The following NOX4 variants were observed in gnomAD, a reference collection of about 807,000 sequenced individuals.
The protein encoded by NOX4 is NADPH oxidase 4, also known as kidney oxidase-1.
A neutral mutation model predicts 87.6 loss-of-function variants in NOX4; 69 were observed. The ratio of observed to expected loss-of-function variants is 0.79; its 90% CI spans 0.65 to 0.96. The LOEUF (loss-of-function observed/expected upper bound fraction) is 0.96, where lower values mean the gene tolerates loss of function less well. Ranked by LOEUF, NOX4 falls within the 40% of genes least tolerant of loss-of-function variation. The pLI is 0.00. For synonymous variants in NOX4, 275 were observed against 238.2 expected (o/e 1.15, Z -1.42); for missense variants, 680 against 681.5 (o/e 1.00, Z 0.02).
At chr11:89,465,773 G>A (rs1256255539) in intron 2 of NOX4, among the ~76,000 whole-genome samples, 5 of 151,722 alleles carry the variant, frequency 3.3e-5, no homozygotes, top group Non-Finnish European at 7.4e-5. Context: ...CTGCATAAAT[G>A]TCTTCTTTTA....
the NOX4 span, among the ~76,000 whole-genome samples, chr11:89,559,187 A>G: frequency 2.1e-3 from 318 of 152,238 alleles, 9 homozygotes; most frequent in East Asian, 0.053. Context: ...TCCTGCTCTC[A>G]AGAAACTTAA....
At chr11:89,380,119 T>A (rs1376402988) in intron 11 of NOX4, among the ~76,000 whole-genome samples, 1 of 152,152 alleles carries the variant, frequency 6.6e-6, no homozygotes, top group Non-Finnish European at 1.5e-5. Flanking sequence ...TATGGATGTA[T>A]CAACAAGATG....
chr11:89,562,435 T>A, the NOX4 span, among the ~76,000 whole-genome samples: 1 of 152,120 alleles, frequency 6.6e-6, no homozygotes, highest in African/African-American at 2.4e-5. Context: ...CCGCCCCTTT[T>A]ATCCAATCTA....
chr11:89,416,282 A>T (rs901905855), intron 8 of NOX4, among the ~76,000 whole-genome samples: 1 of 152,196 alleles, frequency 6.6e-6, no homozygotes, highest in African/African-American at 2.4e-5. Flanking sequence ...GTACTAGAAT[A>T]GGATTGTTTA....
intron 14 of NOX4, among the ~76,000 whole-genome samples, chr11:89,341,797 T>C (rs992621980): frequency 1.3e-5 from 2 of 152,044 alleles, no homozygotes; most frequent in Non-Finnish European, 2.9e-5. Context: ...GATGAGGACA[T>C]AGAAAATGAA....
At position 89,394,744 on chromosome 11, in the gene NOX4, C is replaced by T. The variant is rs551329958; in HGVS notation, c.1074+5273G>A. 5.3e-5 allele frequency among the ~76,000 whole-genome samples: 8 copies of T among 151,874 alleles called. No individual in the cohort carries two copies. The South Asian group carries it at 6.2e-4, about 12-fold the overall frequency. Reference sequence around the variant, plus strand: ...TTCAATTCCCACCTATGAGTGAGAACATGTGGTGTTTGCTTCTCTGTCCTT... The same window carrying T: ...TTCAATTCCCACCTATGAGTGAGAATATGTGGTGTTTGCTTCTCTGTCCTT... On this transcript the variant is annotated intron_variant, in intron 11 of 17. Transcript: ENST00000263317.
At chr11:89,392,792 T>C (rs528928345) in intron 11 of NOX4, among the ~76,000 whole-genome samples, 1 of 152,146 alleles carries the variant, frequency 6.6e-6, no homozygotes, top group Admixed American at 6.6e-5. Flanking sequence ...ATTCAGGAGC[T>C]CATGGTAACC....
chr11:89,512,845 T>G, the NOX4 span, among the ~76,000 whole-genome samples: 4 of 152,140 alleles, frequency 2.6e-5, no homozygotes, highest in South Asian at 6.2e-4. Flanking sequence ...CTGGTCTGTA[T>G]GTAGCAACAC....
the NOX4 span, among the ~76,000 whole-genome samples, chr11:89,531,241 T>C: frequency 3.3e-5 from 5 of 152,316 alleles, no homozygotes; most frequent in South Asian, 6.2e-4. Flanking sequence ...TGGGTAGGTC[T>C]CTAACCCTGC....
intron 7 of NOX4, among the ~76,000 whole-genome samples, chr11:89,432,395 TA>T (rs1167405783): frequency 2.0e-5 from 3 of 151,890 alleles, no homozygotes; most frequent in Non-Finnish European, 2.9e-5. Flanking sequence ...TGTTAAATCT[TA>T]AAAATAATGA....
intron 2 of NOX4, among the ~76,000 whole-genome samples, chr11:89,485,391 C>T (rs1317352869): frequency 2.0e-5 from 3 of 151,890 alleles, no homozygotes; most frequent in Non-Finnish European, 2.9e-5. Flanking sequence ...ATATATATAA[C>T]TAAGACACAT....
the NOX4 span, among the ~76,000 whole-genome samples, chr11:89,521,643 C>T: frequency 1.3e-5 from 2 of 151,512 alleles, no homozygotes; most frequent in East Asian, 3.9e-4. Flanking sequence ...TGATTAAGTC[C>T]TCAAAAGCAA....
chr11:89,384,307 A>C (rs923378666), intron 11 of NOX4, among the ~76,000 whole-genome samples: 1 of 152,028 alleles, frequency 6.6e-6, no homozygotes, highest in African/African-American at 2.4e-5. Flanking sequence ...ACTTGGACTG[A>C]CCCTGACACC....
chr11:89,328,400 A>G (rs1945303836), intron 17 of NOX4, among the ~76,000 whole-genome samples: 1 of 152,134 alleles, frequency 6.6e-6, no homozygotes, highest in African/African-American at 2.4e-5. Flanking sequence ...CTTATTTGCA[A>G]GGAGTAGAGG....
intron 7 of NOX4, among the ~76,000 whole-genome samples, chr11:89,431,613 C>G (rs551592129): frequency 1.5e-4 from 23 of 152,296 alleles, no homozygotes; most frequent in African/African-American, 5.1e-4. Flanking sequence ...CTCATCATCA[C>G]TGGCCATCAG....
At chr11:89,429,973 G>A (rs532544958) in intron 7 of NOX4, among the ~76,000 whole-genome samples, 126 of 152,238 alleles carry the variant, frequency 8.3e-4, no homozygotes, top group African/African-American at 2.8e-3. Flanking sequence ...CTGGCAAACC[G>A]AATCCAGCAG....
intron 7 of NOX4, among the ~76,000 whole-genome samples, chr11:89,425,189 TAAATA>T (rs1196819366): frequency 6.6e-6 from 1 of 152,028 alleles, no homozygotes; most frequent in Non-Finnish European, 1.5e-5. Context: ...TTCCTCTATC[TAAATA>T]AAATAAAATT....
chr11:89,527,561 A>G, the NOX4 span, among the ~76,000 whole-genome samples: 1 of 152,128 alleles, frequency 6.6e-6, no homozygotes, highest in Non-Finnish European at 1.5e-5. Flanking sequence ...AGTCTTGGGA[A>G]TTGATGCCCT....
the NOX4 span, among the ~76,000 whole-genome samples, chr11:89,570,476 A>G: frequency 6.6e-6 from 1 of 152,220 alleles, no homozygotes; most frequent in Non-Finnish European, 1.5e-5. Context: ...ACAAACCTGT[A>G]TATGTACCCC....
Sources: allele counts gnomAD v4.1 joint callset (sites outside exome capture counted in the v4.1 genomes callset), GRCh38; gene constraint gnomAD v4.1.1; transcripts MANE v1.5; gene names NCBI Gene and HGNC (gene_info 2026-07-23, HGNC 2026-07-21).